CCL17: variants seen among roughly 807,000 people sequenced by gnomAD.
CCL17 encodes the protein C-C motif chemokine 17.
CCL17 carries 8 observed loss-of-function variants against 7.4 expected under a neutral mutation model. That is an observed-to-expected ratio of 1.09 (90% confidence interval 0.64 to 1.96). CCL17 has a LOEUF of 1.96. Among genes scored for constraint, CCL17 ranks in the 30% most tolerant of loss-of-function variants. CCL17 has a pLI of 0.00. For missense variants in CCL17, 102 were observed against 113.0 expected, an observed-to-expected ratio of 0.90 and a Z score of 0.44; for synonymous variants, 40 against 46.1, an observed-to-expected ratio of 0.87 and a Z score of 0.54.
the CCL17 span, among the ~76,000 whole-genome samples, chr16:57,396,864 A>G: frequency 1.3e-5 from 2 of 152,170 alleles, no homozygotes; most frequent in South Asian, 2.1e-4. Context: ...AAGTTAAGAC[A>G]GTATTCGTGG....
chr16:57,414,212 G>C (rs1043111838), intron 2 of CCL17, among the ~76,000 whole-genome samples: 5 of 152,014 alleles, frequency 3.3e-5, no homozygotes, highest in African/African-American at 1.2e-4. Flanking sequence ...TTGCGGGTGG[G>C]CTTGGTGAGG....
At chr16:57,409,583 G>A (rs886281610) in intron 1 of CCL17, among the ~76,000 whole-genome samples, 1 of 152,136 alleles carries the variant, frequency 6.6e-6, no homozygotes, top group African/African-American at 2.4e-5. Flanking sequence ...ATGAGTTCAC[G>A]GCTGTGGTCC....
chr16:57,404,770 C>G lies in CCL17; in HGVS notation c.-126C>G, dbSNP rs1902669900. 2 of 154,316 alleles carry G rather than the reference C, an allele frequency of 1.3e-5. No homozygotes were observed. Among genetic ancestry groups the G allele is most frequent in the Non-Finnish European group, 2.9e-5 (2 of 68,214 alleles). The allele number at this position is 154,316 out of a possible 1,614,324, so 9.6% of individuals were successfully genotyped here. ...TTTTGCAGCTGTAGAAACTGAGGCT[C>G]AGAGAGAAGTGACTTTGAGCTCACA... On this transcript the variant is annotated 5_prime_UTR_variant, in exon 1 of 4. Transcript: ENST00000219244.
upstream of CCL17, among the ~76,000 whole-genome samples, chr16:57,400,869 T>C (rs1034272341): frequency 1.3e-5 from 2 of 151,738 alleles, no homozygotes; most frequent in African/African-American, 4.8e-5. Context: ...CTTGGGAGGC[T>C]GAGGAAGGGG....
At chr16:57,399,828 C>T (rs1158806044), upstream of CCL17, among the ~76,000 whole-genome samples, 1 of 152,166 alleles carries the variant, frequency 6.6e-6, no homozygotes, top group East Asian at 1.9e-4. Flanking sequence ...TCATTGTCAT[C>T]CCTGTCACAG....
chr16:57,399,701 G>C, the CCL17 span, among the ~76,000 whole-genome samples: 1 of 152,114 alleles, frequency 6.6e-6, no homozygotes, highest in Non-Finnish European at 1.5e-5. Context: ...CTGCCCCCTT[G>C]GCCTCCCAAG....
At chr16:57,408,423 A>ATAT (rs1902732262) in intron 1 of CCL17, among the ~76,000 whole-genome samples, 1 of 151,924 alleles carries the variant, frequency 6.6e-6, no homozygotes, top group African/African-American at 2.4e-5. Context: ...ACATATATAT[A>ATAT]TTTTTTGAGA....
chr16:57,407,192 G>C (rs1460862051), intron 1 of CCL17, among the ~76,000 whole-genome samples: 1 of 152,056 alleles, frequency 6.6e-6, no homozygotes, highest in Non-Finnish European at 1.5e-5. Context: ...AGGGAAAGGG[G>C]GTCATGGGAT....
At position 57,407,158 on chromosome 16, in the gene CCL17, G is replaced by A. The variant is rs376566641; in HGVS notation, c.-60+2322G>A. Among the ~76,000 whole-genome samples the A allele has an allele frequency of 1.5e-4, 23 of 152,306 alleles. No homozygotes were observed. In the East Asian group the frequency reaches 2.1e-3, roughly 14 times the overall value. ...AAGGGGAGGTCTTTATGGAAGTGGA[G>A]AGACAGGATCATGTTGTCAGCAGAG... is the stretch of plus-strand genomic sequence containing the variant. On this transcript the variant is annotated intron_variant, in intron 1 of 3. Transcript: ENST00000219244.
chr16:57,414,013 G>T lies in CCL17; in HGVS notation c.70+11G>T. The T allele has an allele frequency of 6.2e-7, 1 of 1,608,568 alleles. No individual in the cohort carries two copies. Among genetic ancestry groups the T allele is most frequent in the Non-Finnish European group, 8.5e-7 (1 of 1,177,244 alleles). On this transcript the variant is annotated intron_variant, in intron 2 of 3. Transcript: ENST00000219244. ...AGCACATCCACGCAGGTGAGAGCAG[G>T]GGACAGGTGGCCAGGGGCAGGCACC...
chr16:57,413,251 G>A (rs1902814027), intron 1 of CCL17, among the ~76,000 whole-genome samples: 1 of 152,214 alleles, frequency 6.6e-6, no homozygotes, highest in Admixed American at 6.5e-5. Flanking sequence ...ACCTGGGATG[G>A]GACACCAACC....
intron 1 of CCL17, among the ~76,000 whole-genome samples, chr16:57,408,630 G>A (rs767838563): frequency 1.1e-4 from 17 of 151,884 alleles, no homozygotes; most frequent in Non-Finnish European, 2.1e-4. Flanking sequence ...GTGCAGTGGT[G>A]TGATCTCGGC....
At chr16:57,411,104 C>G (rs893808665) in intron 1 of CCL17, among the ~76,000 whole-genome samples, 2 of 152,214 alleles carry the variant, frequency 1.3e-5, no homozygotes, top group African/African-American at 2.4e-5. Context: ...TCTACAAAAC[C>G]TAGCCCTAGG....
At chr16:57,405,551 C>A (rs1260966707) in intron 1 of CCL17, among the ~76,000 whole-genome samples, 1 of 152,118 alleles carries the variant, frequency 6.6e-6, no homozygotes, top group African/African-American at 2.4e-5. Flanking sequence ...GCTGAGTGAA[C>A]CATAGCAGGA....
In CCL17 at chr16:57,415,278, A is replaced by C; in HGVS notation, c.188+80A>C. On this transcript the variant is annotated intron_variant, in intron 3 of 3. Coordinates refer to ENST00000219244, the MANE Select transcript of CCL17 (RefSeq NM_002987.3). The surrounding 1 kb of genome is among the most constrained non-coding windows in gnomAD (Gnocchi z 4.5). ...CACCCTGGAGCTCCCAGGACGGCCA[A>C]TGGGGAGCAGGGAAGAGACAGCGGG... is the stretch of plus-strand genomic sequence containing the variant. The C allele has an allele frequency of 1.1e-6, 1 of 935,298 alleles. No homozygotes were observed. Among genetic ancestry groups the C allele is most frequent in the Non-Finnish European group, 1.8e-6 (1 of 565,884 alleles). 57.9% of individuals were successfully genotyped at this position (935,298 alleles called of 1,614,324 possible).
chr16:57,410,272 C>A (rs1312296250), intron 1 of CCL17, among the ~76,000 whole-genome samples: 1 of 152,200 alleles, frequency 6.6e-6, no homozygotes, highest in Non-Finnish European at 1.5e-5. Context: ...TGGCCCAGTG[C>A]CCTCTGGCTA....
intron 1 of CCL17, among the ~76,000 whole-genome samples, chr16:57,413,144 T>TA (rs1250639491): frequency 1.3e-4 from 20 of 152,154 alleles, no homozygotes; most frequent in Non-Finnish European, 2.1e-4. Flanking sequence ...TTCTGTATCT[T>TA]AGTGTAAGGC....
rs1902859570 is a variant in CCL17 at position 57,415,771 on chromosome 16, A to G, written c.195A>G (p.Val65=). 40 of 1,608,956 alleles carry G rather than the reference A, an allele frequency of 2.5e-5. No individual in the cohort carries two copies. Among genetic ancestry groups the G allele is most frequent in the Non-Finnish European group, 3.3e-5 (39 of 1,175,354 alleles). ...ACGTCCTCCTTCTGTGTAGTTTTGT[A>G]ACTGTGCAGGGCAGGGCCATCTGTT... ...EDCSRDAIVF[V]TVQGRAICSD... The change falls in exon 4 of 4, where the codon GTA becomes GTG. Residue 65 remains valine, a synonymous_variant. Coordinates refer to ENST00000219244, the MANE Select transcript of CCL17 (RefSeq NM_002987.3). The surrounding 1 kb of genome is among the most constrained non-coding windows in gnomAD (Gnocchi z 4.5).
intron 1 of CCL17, among the ~76,000 whole-genome samples, chr16:57,410,522 AG>A (rs1467245699): frequency 6.6e-6 from 1 of 151,932 alleles, no homozygotes; most frequent in Non-Finnish European, 1.5e-5. Context: ...CCCTCCACAA[AG>A]CTCTGCCTCA....
Sources: allele counts gnomAD v4.1 joint callset (sites outside exome capture counted in the v4.1 genomes callset), GRCh38; gene constraint gnomAD v4.1.1; non-coding constraint Gnocchi (gnomAD v3.1); transcripts MANE v1.5; gene names NCBI Gene and HGNC (gene_info 2026-07-23, HGNC 2026-07-21).